The following ATRNL1 variants were observed in gnomAD, a reference collection of about 807,000 sequenced individuals.
ATRNL1 encodes the protein attractin like 1, also known as attractin-like protein 1.
A neutral mutation model predicts 182.7 loss-of-function variants in ATRNL1; 95 were observed. The ratio of observed to expected loss-of-function variants is 0.52; its 90% CI spans 0.44 to 0.62. The LOEUF (loss-of-function observed/expected upper bound fraction) is 0.62, where lower values mean the gene tolerates loss of function less well. Ranked by LOEUF, ATRNL1 falls within the 20% of genes least tolerant of loss-of-function variation. The probability of loss-of-function intolerance (pLI) is 0.00; values close to 1 mark genes in which losing one functional copy is unlikely to be tolerated. For missense variants in ATRNL1, 1,471 were observed against 1,679.5 expected (o/e 0.88, Z 2.17); for synonymous variants, 576 against 568.3 (o/e 1.01, Z -0.19).
At chr10:115,841,344 A>T (rs1170800768) in intron 27 of ATRNL1, among the ~76,000 whole-genome samples, 4 of 152,122 alleles carry the variant, frequency 2.6e-5, no homozygotes, top group African/African-American at 9.7e-5. Flanking sequence ...TAATCTAGAT[A>T]GTATACTATA....
intron 28 of ATRNL1, among the ~76,000 whole-genome samples, chr10:115,860,662 T>C (rs1448376352): frequency 3.9e-5 from 6 of 152,214 alleles, no homozygotes; most frequent in African/African-American, 1.4e-4. Flanking sequence ...CAGCCACAGC[T>C]GGTGACCCTG....
At chr10:115,597,939 A>G (rs146234098) in intron 26 of ATRNL1, 619 of 167,460 alleles carry the variant, frequency 3.7e-3, no homozygotes, top group Non-Finnish European at 6.0e-3. Flanking sequence ...CTCGTGATAT[A>G]TAGATTATTT....
At chr10:115,614,341 C>T (rs1024437084) in intron 26 of ATRNL1, among the ~76,000 whole-genome samples, 3 of 151,876 alleles carry the variant, frequency 2.0e-5, no homozygotes, top group South Asian at 2.1e-4. Flanking sequence ...GAGTTCTTCA[C>T]GTTATTTGTT....
intron 28 of ATRNL1, among the ~76,000 whole-genome samples, chr10:115,848,793 A>G (rs1399329874): frequency 1.3e-5 from 2 of 152,162 alleles, no homozygotes; most frequent in African/African-American, 4.8e-5. Context: ...TATTTTATCT[A>G]TCCAACCACT....
At chr10:115,396,508 G>T (rs1443324532) in intron 20 of ATRNL1, among the ~76,000 whole-genome samples, 2 of 151,866 alleles carry the variant, frequency 1.3e-5, no homozygotes, top group African/African-American at 4.8e-5. Flanking sequence ...TTTGCACAAT[G>T]TTCTCCTATT....
intron 27 of ATRNL1, among the ~76,000 whole-genome samples, chr10:115,748,263 T>C (rs1948349826): frequency 6.6e-6 from 1 of 151,884 alleles, no homozygotes; most frequent in Non-Finnish European, 1.5e-5. Flanking sequence ...GCTTCCAGGC[T>C]GTTTTATACA....
chr10:115,356,346 CA>C (rs1856503260), intron 19 of ATRNL1, among the ~76,000 whole-genome samples: 1 of 152,044 alleles, frequency 6.6e-6, no homozygotes, highest in Admixed American at 6.6e-5. Context: ...TCTTTTGACA[CA>C]ACAATGTTAA....
chr10:115,535,376 A>C (rs1273372961), intron 25 of ATRNL1, among the ~76,000 whole-genome samples: 1 of 151,600 alleles, frequency 6.6e-6, no homozygotes, highest in African/African-American at 2.4e-5. Flanking sequence ...CATCACTGAT[A>C]CCCTTTCTTC....
chr10:115,935,202 C>T (rs1953519229), intron 28 of ATRNL1, among the ~76,000 whole-genome samples: 1 of 152,178 alleles, frequency 6.6e-6, no homozygotes, highest in African/African-American at 2.4e-5. Context: ...GAACAGCCAG[C>T]TACAACACTG....
chr10:115,281,322 G>T lies in ATRNL1; in HGVS notation c.2101-33G>T, dbSNP rs372796411. ...AGTTTAAGAATCATTGCTGTACAAA[G>T]GTGAAAAATAACATGCTCTTTTAAT... On this transcript the variant is annotated intron_variant, in intron 13 of 28. Transcript: ENST00000355044. The T allele has an allele frequency of 1.9e-5, 31 of 1,594,710 alleles. No homozygotes were observed. The African/African-American group carries it at 3.9e-4, about 20-fold the overall frequency.
intron 28 of ATRNL1, among the ~76,000 whole-genome samples, chr10:115,901,369 T>G (rs1952346203): frequency 6.6e-6 from 1 of 152,182 alleles, no homozygotes; most frequent in African/African-American, 2.4e-5. Context: ...TCAAGTCTAT[T>G]TTGATTAAAA....
At chr10:115,396,016 C>T (rs1385442966) in intron 20 of ATRNL1, among the ~76,000 whole-genome samples, 6 of 151,190 alleles carry the variant, frequency 4.0e-5, no homozygotes, top group African/African-American at 1.5e-4. Context: ...AAAATTTATA[C>T]CTAAAGTCTA....
intron 19 of ATRNL1, among the ~76,000 whole-genome samples, chr10:115,381,425 C>T (rs187369541): frequency 0.015 from 715 of 47,188 alleles, 5 homozygotes; most frequent in Non-Finnish European, 0.027. Flanking sequence ...TGCCACCATA[C>T]CTGGCAATTT....
At chr10:115,232,668 C>T (rs148218227) in intron 9 of ATRNL1, among the ~76,000 whole-genome samples, 219 of 151,838 alleles carry the variant, frequency 1.4e-3, no homozygotes, top group Non-Finnish European at 2.5e-3. Context: ...GTCTTTAACC[C>T]AACTGGATAA....
intron 26 of ATRNL1, among the ~76,000 whole-genome samples, chr10:115,657,332 T>C: frequency 6.6e-6 from 1 of 152,132 alleles, no homozygotes; most frequent in African/African-American, 2.4e-5. Context: ...TAGATGCTTG[T>C]TGTTTTGGTG....
intron 21 of ATRNL1, among the ~76,000 whole-genome samples, chr10:115,458,611 A>G (rs574227552): frequency 5.7e-4 from 86 of 152,190 alleles, no homozygotes; most frequent in African/African-American, 2.0e-3. Context: ...GGTTGGGCAT[A>G]TTTGTGGCAG....
At chr10:115,255,304 AT>A (rs538361004) in intron 10 of ATRNL1, among the ~76,000 whole-genome samples, 115 of 152,012 alleles carry the variant, frequency 7.6e-4, no homozygotes, top group African/African-American at 2.6e-3. Flanking sequence ...GTCCTCTTTT[AT>A]TTCGTTGAGC....
chr10:115,270,370 T>C (rs1851801443), intron 13 of ATRNL1, among the ~76,000 whole-genome samples: 1 of 140,456 alleles, frequency 7.1e-6, no homozygotes, highest in South Asian at 2.2e-4. Context: ...AATATATAAA[T>C]CTATTATATA....
At chr10:115,129,571 G>C (rs782157434) in intron 5 of ATRNL1, 36 bp downstream of exon 5, 1 of 1,539,058 alleles carries the variant, frequency 6.5e-7, no homozygotes, top group Non-Finnish European at 9.0e-7. Flanking sequence ...TTGAAACATT[G>C]ATTCATATAT....
Sources: allele counts gnomAD v4.1 joint callset (sites outside exome capture counted in the v4.1 genomes callset), GRCh38; gene constraint gnomAD v4.1.1; transcripts MANE v1.5; gene names NCBI Gene and HGNC (gene_info 2026-07-23, HGNC 2026-07-21).